Variants in SEC23A observed in about 807,000 individuals in gnomAD.
The protein encoded by SEC23A is SEC23 homolog A, COPII component.
SEC23A carries 56 observed loss-of-function variants against 103.7 expected under a neutral mutation model. The observed-to-expected ratio is 0.54, with a 90% CI of 0.44 to 0.67. The LOEUF (loss-of-function observed/expected upper bound fraction) is 0.67. SEC23A is among the 30% of genes least tolerant of loss of function. The pLI is 0.00. For synonymous variants in SEC23A, 281 were observed against 293.0 expected (o/e 0.96, Z 0.42); for missense variants, 784 against 936.4 (o/e 0.84, Z 2.12).
intron 5 of SEC23A, among the ~76,000 whole-genome samples, chr14:39,087,284 A>G (rs1887477275): frequency 6.6e-6 from 1 of 152,208 alleles, no homozygotes; most frequent in South Asian, 2.1e-4. Flanking sequence ...AACAGTCAAA[A>G]TAAATTGTTG....
intron 14 of SEC23A, among the ~76,000 whole-genome samples, chr14:39,049,529 C>T (rs1814218273): frequency 6.6e-6 from 1 of 151,410 alleles, no homozygotes; most frequent in African/African-American, 2.4e-5. Flanking sequence ...ATAATTCAAG[C>T]ACTTTGGGAG....
At chr14:39,097,586 C>T (rs1887931226) in intron 1 of SEC23A, among the ~76,000 whole-genome samples, 1 of 152,112 alleles carries the variant, frequency 6.6e-6, no homozygotes, top group African/African-American at 2.4e-5. Context: ...GAAAGTGAAG[C>T]TTAACAAATC....
chr14:39,085,961 C>G (rs908065277), intron 6 of SEC23A, 55 bp from the exon 7 acceptor site: 2 of 1,454,212 alleles, frequency 1.4e-6, no homozygotes, highest in African/African-American at 2.8e-5. Flanking sequence ...GGTGAGAGTT[C>G]GATAAACAAA....
chr14:39,094,393 CACACATATATATATATATATATAT>C (rs1355786221), intron 2 of SEC23A, among the ~76,000 whole-genome samples: 16 of 23,950 alleles, frequency 6.7e-4, no homozygotes, highest in Admixed American at 1.2e-3. Flanking sequence ...CACACACACA[CACACATATATATATATATATATAT>C]ATATATATAT....
rs1378009200 is a variant in SEC23A at position 39,076,092 on chromosome 14, C to T, written c.830G>A (p.Cys277Tyr). ...ACGAGCACCAGTGTTGGGAAAAGTA[C>T]ACTATTAAAAAAAAAGTCAAGAGTT... ...ALSIAVGLLE[C>Y]TFPNTGARIM... Residue 277 changes from cysteine to tyrosine, a missense_variant and splice_region_variant, in exon 8 of 20, where the codon TGT (cysteine) becomes TAT (tyrosine). Cys to Tyr is a radical substitution (Grantham distance 194). Transcript: ENST00000307712. 1 of 1,605,116 alleles carries T rather than the reference C, an allele frequency of 6.2e-7. No homozygotes were observed. The highest frequency in any genetic ancestry group is 8.5e-7 in the Non-Finnish European group (1 of 1,175,080).
chr14:39,048,101 T>C (rs1452435276), intron 15 of SEC23A, among the ~76,000 whole-genome samples: 2 of 152,188 alleles, frequency 1.3e-5, no homozygotes, highest in African/African-American at 2.4e-5. Flanking sequence ...CATGTAATTC[T>C]ACCCACTGCA....
intron 17 of SEC23A, among the ~76,000 whole-genome samples, chr14:39,042,023 G>A (rs1013772843): frequency 2.6e-5 from 4 of 152,170 alleles, no homozygotes; most frequent in Non-Finnish European, 5.9e-5. Flanking sequence ...CTGGGCTCAA[G>A]TAATCCTCCT....
At chr14:39,066,684 G>A (rs1290919067) in intron 10 of SEC23A, among the ~76,000 whole-genome samples, 1 of 152,012 alleles carries the variant, frequency 6.6e-6, no homozygotes, top group Non-Finnish European at 1.5e-5. Context: ...GGCCAACATG[G>A]TGACACTGCG....
chr14:39,044,610 G>A (rs970807237), intron 16 of SEC23A, among the ~76,000 whole-genome samples: 1 of 152,080 alleles, frequency 6.6e-6, no homozygotes, highest in Non-Finnish European at 1.5e-5. Context: ...TGGAAAAATG[G>A]TTCATTTGAT....
intron 17 of SEC23A, chr14:39,041,174 C>T (rs1885623608): frequency 3.9e-6 from 1 of 254,054 alleles, no homozygotes; most frequent in Non-Finnish European, 7.5e-6. Context: ...AAGCTATCTA[C>T]CTAAGCTTAT....
Position 39,042,866 on chromosome 14 carries a change from G to T in SEC23A, c.1906C>A (p.Leu636Ile), listed in dbSNP as rs144656181. ...GCAAGAATGCTACTGCTATCAAGAAGAACCGGCTAACGTAAAGAAAACAAT... is the reference window on the plus strand; with the variant it reads ...GCAAGAATGCTACTGCTATCAAGAATAACCGGCTAACGTAAAGAAAACAAT... ...YSFSGPPEPV[L>I]LDSSSILADR... Residue 636 changes from leucine to isoleucine, a missense_variant, in exon 17 of 20, where the codon CTT becomes ATT. Physicochemically the swap from Leu to Ile is conservative, Grantham distance 5 (BLOSUM62 2). Transcript: ENST00000307712. 2 of 1,606,812 alleles carry T rather than the reference G, an allele frequency of 1.2e-6. No individual in the cohort carries two copies. Among genetic ancestry groups the T allele is most frequent in the Non-Finnish European group, 1.7e-6 (2 of 1,173,742 alleles).
At chr14:39,078,155 T>G (rs975237600) in intron 7 of SEC23A, among the ~76,000 whole-genome samples, 2 of 151,862 alleles carry the variant, frequency 1.3e-5, no homozygotes, top group Non-Finnish European at 2.9e-5. Context: ...CTCAGGAGGC[T>G]GAGGTGGGAG....
intron 7 of SEC23A, among the ~76,000 whole-genome samples, chr14:39,080,698 G>A (rs562500966): frequency 3.9e-5 from 6 of 152,286 alleles, no homozygotes; most frequent in East Asian, 3.9e-4. Flanking sequence ...GAGCCACTGC[G>A]CCTGGCCGGG....
At chr14:39,073,603 C>CTTTTTTTTTTTT (rs905464578) in intron 9 of SEC23A, among the ~76,000 whole-genome samples, 1 of 83,894 alleles carries the variant, frequency 1.2e-5, no homozygotes, top group Non-Finnish European at 2.3e-5. Context: ...TCTGATTCCT[C>CTTTTTTTTTTTT]TTTTTTTTTT....
intron 13 of SEC23A, among the ~76,000 whole-genome samples, chr14:39,060,807 C>G (rs1348979404): frequency 6.6e-6 from 1 of 152,182 alleles, no homozygotes; most frequent in Non-Finnish European, 1.5e-5. Flanking sequence ...TTTGGAAAAT[C>G]TATCACAAAG....
chr14:39,041,936 T>C (rs1275087561), intron 17 of SEC23A, among the ~76,000 whole-genome samples: 1 of 152,032 alleles, frequency 6.6e-6, no homozygotes, highest in East Asian at 1.9e-4. Context: ...GTCTTTACTA[T>C]TACAGTACAA....
At chr14:39,098,857 AGT>A (rs1228601699) in intron 1 of SEC23A, among the ~76,000 whole-genome samples, 1 of 151,784 alleles carries the variant, frequency 6.6e-6, no homozygotes, top group Non-Finnish European at 1.5e-5. Context: ...TAAGAAATCC[AGT>A]GTTATTAAGA....
intron 7 of SEC23A, among the ~76,000 whole-genome samples, chr14:39,079,368 C>T (rs544804332): frequency 2.0e-5 from 3 of 152,282 alleles, no homozygotes; most frequent in South Asian, 4.1e-4. Context: ...AATCGCTCTA[C>T]TTTATTCCAC....
At chr14:39,043,444 C>T (rs900854513) in intron 16 of SEC23A, among the ~76,000 whole-genome samples, 1 of 152,154 alleles carries the variant, frequency 6.6e-6, no homozygotes, top group Admixed American at 6.5e-5. Flanking sequence ...AGGATAACTC[C>T]TAAGCCTAAA....
Sources: gnomAD v4.1 joint callset for allele counts (sites outside exome capture counted in the v4.1 genomes callset) on GRCh38, gnomAD v4.1.1 for gene constraint, MANE v1.5 for transcripts, NCBI Gene and HGNC (gene_info 2026-07-23, HGNC 2026-07-21) for gene names.